The following CMYA5 variants were observed in gnomAD, a reference collection of about 807,000 sequenced individuals.
CMYA5 encodes cardiomyopathy associated 5, also known as cardiomyopathy-associated protein 5.
In CMYA5, 246 loss-of-function variants were observed where a neutral mutation model predicts 318.9. That is an observed-to-expected ratio of 0.77 (90% CI 0.70 to 0.86). The LOEUF (loss-of-function observed/expected upper bound fraction) is 0.86, where lower values mean the gene tolerates loss of function less well. CMYA5 is among the 40% of genes least tolerant of loss of function. CMYA5 has a pLI of 0.00. For missense variants in CMYA5, 4,589 were observed against 4,678.2 expected (o/e 0.98, Z 0.56); for synonymous variants, 1,641 against 1,729.5 (o/e 0.95, Z 1.27).
rs1827882930 is a variant in CMYA5, at chr5:79,731,005, C to G, written c.2240C>G (p.Ala747Gly). 1.9e-6 allele frequency: 3 copies of G among 1,613,996 alleles called. No individual in the cohort carries two copies. The highest frequency in any genetic ancestry group is 2.5e-6 in the Non-Finnish European group (3 of 1,179,884). ...ACTGGATCGTTTACTCCAGCTGTGGCCCCTGCTTCTGAGCCCTCTCTCTCA... is the reference window on the plus strand; with the variant it reads ...ACTGGATCGTTTACTCCAGCTGTGGGCCCTGCTTCTGAGCCCTCTCTCTCA... The part of the protein sequence containing the change: ...EDTGSFTPAV[A>G]PASEPSLSPS... Residue 747 changes from alanine to glycine, a missense_variant, in exon 2 of 13, where the codon GCC becomes GGC. Physicochemically the swap from Ala to Gly is moderately conservative, Grantham distance 60 (BLOSUM62 0). This residue lies in a region of CMYA5 where 2,132 missense variants were observed against 2,131.3 expected (regional missense o/e 1.00). Transcript: ENST00000446378.
chr5:79,741,390 G>C (rs963696059), intron 2 of CMYA5, among the ~76,000 whole-genome samples: 1 of 152,110 alleles, frequency 6.6e-6, no homozygotes, highest in Non-Finnish European at 1.5e-5. Context: ...CTTGATAATG[G>C]TAGTGATTTT....
rs541355127 is a variant in CMYA5, at chr5:79,799,477, A to G, written c.12071A>G (p.Asn4024Ser). The G allele has an allele frequency of 1.2e-6, 2 of 1,614,012 alleles. No individual in the cohort carries two copies. The highest frequency in any genetic ancestry group is 2.2e-5 in the South Asian group (2 of 91,078). ...DYNNQRLIFINAESEQLLFII... is the reference protein window; with the variant it reads ...DYNNQRLIFISAESEQLLFII... Reference sequence around the variant, plus strand: ...AACAACCAGAGACTTATCTTCATCAACGCAGAGAGCGAGCAGTTGCTCTTC... The same window carrying G: ...AACAACCAGAGACTTATCTTCATCAGCGCAGAGAGCGAGCAGTTGCTCTTC... Residue 4024 changes from asparagine (N) to serine (S), a missense_variant, in exon 13 of 13, where the codon AAC (asparagine) becomes AGC (serine). Physicochemically the swap from Asn to Ser is conservative, Grantham distance 46. This residue lies in a region of CMYA5 where 2,431 missense variants were observed against 2,495.1 expected (regional missense o/e 0.97). Coordinates refer to ENST00000446378, the MANE Select transcript of CMYA5 (RefSeq NM_153610.5).
At chr5:79,765,453 G>T (rs994464136) in intron 9 of CMYA5, among the ~76,000 whole-genome samples, 1 of 152,262 alleles carries the variant, frequency 6.6e-6, no homozygotes, top group East Asian at 1.9e-4. Flanking sequence ...TTTTGCTTAG[G>T]ATTGTCTTGG....
At chr5:79,764,832 A>G (rs1200304605) in intron 9 of CMYA5, among the ~76,000 whole-genome samples, 1 of 151,540 alleles carries the variant, frequency 6.6e-6, no homozygotes, top group African/African-American at 2.4e-5. Flanking sequence ...CCACTTTTTG[A>G]TGGGGTTTTT....
chr5:79,760,980 A>C (rs958651268), intron 7 of CMYA5, among the ~76,000 whole-genome samples: 1 of 152,188 alleles, frequency 6.6e-6, no homozygotes, highest in Admixed American at 6.5e-5. Flanking sequence ...CTGGGTTCTT[A>C]AGTGGAAAAG....
chr5:79,697,146 T>C (rs1004278299), intron 1 of CMYA5, among the ~76,000 whole-genome samples: 1 of 152,200 alleles, frequency 6.6e-6, no homozygotes, highest in African/African-American at 2.4e-5. Flanking sequence ...AAGTTTAGCC[T>C]CTGGGAAGGG....
At position 79,761,879 on chromosome 5, in the gene CMYA5, C is replaced by T. The variant is rs1828658700; in HGVS notation, c.11329C>T (p.Arg3777Ter). Residue 3777 changes from arginine to a stop codon, truncating the protein, a stop_gained, in exon 8 of 13, where the codon CGA (arginine) becomes TGA (stop). Transcript: ENST00000446378. LOFTEE classifies it high-confidence loss of function. The part of the protein sequence containing the change: ...YCIFEDLEPD[R>*]CYQVWVMAVN... Reference sequence around the variant, plus strand: ...CATTTTTGAAGATCTGGAACCTGACCGATGCTATCAAGTGTGGGTGATGGC... The same window carrying T: ...CATTTTTGAAGATCTGGAACCTGACTGATGCTATCAAGTGTGGGTGATGGC... 3.3e-5 allele frequency: 54 copies of T among 1,613,454 alleles called. 1 individual carries two copies. The highest frequency in any genetic ancestry group is 4.2e-5 in the Non-Finnish European group (50 of 1,179,714).
In CMYA5 at chr5:79,729,192, C is replaced by T; in HGVS notation, c.427C>T (p.Pro143Ser). 1 of 1,613,044 alleles carries T rather than the reference C, an allele frequency of 6.2e-7. No individual in the cohort carries two copies. Among genetic ancestry groups the T allele is most frequent in the Non-Finnish European group, 8.5e-7 (1 of 1,179,686 alleles). The change falls in exon 2 of 13, where the codon CCA becomes TCA. Residue 143 changes from proline to serine, a missense_variant. This residue lies in a region of CMYA5 where 2,132 missense variants were observed against 2,131.3 expected (regional missense o/e 1.00). Coordinates refer to ENST00000446378, the MANE Select transcript of CMYA5 (RefSeq NM_153610.5). ...GACTCATAAGTCAAAGCATGGTTCACCATCATTACGCCGGAAAGGCAACAG... is the reference window on the plus strand; with the variant it reads ...GACTCATAAGTCAAAGCATGGTTCATCATCATTACGCCGGAAAGGCAACAG... ...KRTHKSKHGS[P>S]SLRRKGNRKR...
chr5:79,690,423 G>C (rs766120765), intron 1 of CMYA5, among the ~76,000 whole-genome samples: 2 of 152,172 alleles, frequency 1.3e-5, no homozygotes, highest in Admixed American at 6.5e-5. Flanking sequence ...GTGGGGTGGA[G>C]GCGGTGAAGG....
chr5:79,718,734 T>A (rs75420535), intron 1 of CMYA5, among the ~76,000 whole-genome samples: 6,183 of 152,228 alleles, frequency 0.041, 180 homozygotes, highest in East Asian at 0.12. Flanking sequence ...TAATGACATT[T>A]TGGTTAATGA....
At position 79,734,277 on chromosome 5, in the gene CMYA5, G is replaced by C; in HGVS notation, c.5512G>C (p.Asp1838His). Residue 1838 changes from aspartate (D) to histidine (H), a missense_variant, in exon 2 of 13, where the codon GAT becomes CAT. Physicochemically the swap from Asp to His is moderately conservative, Grantham distance 81 (BLOSUM62 -1). Transcript: ENST00000446378. ...TTCAGATCAAACTGTTAAATTACCTGATGTAAGCACCTCTTCTGAAGATAA... is the reference window on the plus strand; with the variant it reads ...TTCAGATCAAACTGTTAAATTACCTCATGTAAGCACCTCTTCTGAAGATAA... ...LHSDQTVKLP[D>H]VSTSSEDKQD... 2 of 1,613,526 alleles carry C rather than the reference G, an allele frequency of 1.2e-6. No homozygotes were observed. The highest frequency in any genetic ancestry group is 1.7e-6 in the Non-Finnish European group (2 of 1,179,744).
intron 7 of CMYA5, among the ~76,000 whole-genome samples, chr5:79,760,559 T>C (rs1828632332): frequency 1.3e-5 from 2 of 152,134 alleles, no homozygotes; most frequent in Non-Finnish European, 2.9e-5. Context: ...CATCTTCCCA[T>C]GGCTGGCAGG....
intron 1 of CMYA5, among the ~76,000 whole-genome samples, chr5:79,703,708 G>C (rs1474212584): frequency 1.3e-5 from 2 of 152,198 alleles, no homozygotes; most frequent in African/African-American, 4.8e-5. Flanking sequence ...AGTTAGCTTG[G>C]AGGTTTGGGG....
At chr5:79,748,667 G>A (rs535215500) in intron 5 of CMYA5, among the ~76,000 whole-genome samples, 14 of 152,018 alleles carry the variant, frequency 9.2e-5, no homozygotes, top group Admixed American at 3.9e-4. Flanking sequence ...CTCAGCCTCC[G>A]AAGTAGCTGG....
In CMYA5 at chr5:79,793,484, A is replaced by G; in HGVS notation, c.11837A>G (p.Tyr3946Cys). 1 of 1,613,868 alleles carries G rather than the reference A, an allele frequency of 6.2e-7. No homozygotes were observed. Among genetic ancestry groups the G allele is most frequent in the African/African-American group, 1.3e-5 (1 of 75,024 alleles). The change falls in exon 12 of 13, where the codon TAC becomes TGC. Residue 3946 changes from tyrosine (Y) to cysteine (C), a missense_variant. Transcript: ENST00000446378. ...GAGCTGCCTTCCTGTGGCCAGCATTACTGGGAAACCACAGTCACAGACTGC... is the reference window on the plus strand; with the variant it reads ...GAGCTGCCTTCCTGTGGCCAGCATTGCTGGGAAACCACAGTCACAGACTGC... ...GEELPSCGQH[Y>C]WETTVTDCPA...
At chr5:79,790,889 G>A (rs1829165246) in intron 10 of CMYA5, 81 bp from the exon 11 acceptor site, 2 of 870,142 alleles carry the variant, frequency 2.3e-6, no homozygotes, top group Admixed American at 4.1e-5. Context: ...AAGAGTCTAG[G>A]GTCTGAAATG....
At chr5:79,768,723 A>T (rs1828801228) in intron 9 of CMYA5, among the ~76,000 whole-genome samples, 1 of 151,966 alleles carries the variant, frequency 6.6e-6, no homozygotes, top group Non-Finnish European at 1.5e-5. Flanking sequence ...GGCTGTCCTT[A>T]ACATTGTTTC....
At chr5:79,778,207 A>G (rs951227147) in intron 9 of CMYA5, 1 of 152,262 alleles carries the variant, frequency 6.6e-6, no homozygotes, top group African/African-American at 2.4e-5. Flanking sequence ...ATCACAAACA[A>G]TGCTGCAGTA....
At chr5:79,699,642 C>A (rs1827138402) in intron 1 of CMYA5, among the ~76,000 whole-genome samples, 1 of 152,130 alleles carries the variant, frequency 6.6e-6, no homozygotes. Context: ...GTCTATCCTG[C>A]TAACAGGAGT....
Sources: gnomAD v4.1 joint callset for allele counts (sites outside exome capture counted in the v4.1 genomes callset) on GRCh38, gnomAD v4.1.1 for gene constraint, gnomAD v4.1.1 regional missense constraint, MANE v1.5 for transcripts, NCBI Gene and HGNC (gene_info 2026-07-23, HGNC 2026-07-21) for gene names.